KCNAB1: variants seen among roughly 807,000 people sequenced by gnomAD.
KCNAB1 encodes the protein potassium voltage-gated channel subfamily A regulatory beta subunit 1, also known as voltage-gated potassium channel subunit beta-1.
Under a neutral mutation model 64.6 loss-of-function variants are expected in KCNAB1, and 35 were observed. The ratio of observed to expected loss-of-function variants is 0.54; its 90% CI spans 0.41 to 0.72. KCNAB1 has a LOEUF of 0.72. Among genes scored for constraint, KCNAB1 ranks in the 30% least tolerant of loss-of-function variants. KCNAB1 has a pLI of 0.00. For missense variants in KCNAB1, 401 were observed against 512.9 expected (o/e 0.78, Z 2.11); for synonymous variants, 177 against 183.8 (o/e 0.96, Z 0.30).
chr3:156,203,893 C>T (rs977641577), intron 1 of KCNAB1, among the ~76,000 whole-genome samples: 3 of 152,148 alleles, frequency 2.0e-5, no homozygotes, highest in African/African-American at 7.2e-5. Flanking sequence ...TGCTTTGATT[C>T]TTCAGATCTT....
At chr3:156,121,103 A>C (rs1035532585) in intron 1 of KCNAB1, among the ~76,000 whole-genome samples, 1 of 152,216 alleles carries the variant, frequency 6.6e-6, no homozygotes, top group South Asian at 2.1e-4. Context: ...GACCTCTTAC[A>C]AGGAGGCAGT....
intron 1 of KCNAB1, among the ~76,000 whole-genome samples, chr3:156,377,875 A>G (rs2108140347): frequency 6.6e-6 from 1 of 152,082 alleles, no homozygotes; most frequent in South Asian, 2.1e-4. Flanking sequence ...GTGCTTCCCT[A>G]TTTTTATGGG....
rs745644267 is a variant in KCNAB1 at position 156,514,461 on chromosome 3, T to G, written c.744+12T>G. ...CTATGGAGATCATGGTAATTTAACT[T>G]CTATTTTTAAATGGCTATTGAGTAC... On this transcript the variant is annotated intron_variant, in intron 9 of 13. Transcript: ENST00000490337. 3.8e-6 allele frequency: 6 copies of G among 1,594,562 alleles called. No homozygotes were observed. In the Admixed American group the frequency reaches 1.0e-4, roughly 27 times the overall value.
intron 1 of KCNAB1, among the ~76,000 whole-genome samples, chr3:156,392,658 T>G (rs1713130681): frequency 6.6e-6 from 1 of 152,246 alleles, no homozygotes; most frequent in Admixed American, 6.5e-5. Context: ...GGAAAATCCC[T>G]TCTATTCTTA....
At chr3:156,474,977 C>T (rs1714233478) in intron 8 of KCNAB1, among the ~76,000 whole-genome samples, 157 bp downstream of exon 8, 1 of 152,152 alleles carries the variant, frequency 6.6e-6, no homozygotes, top group South Asian at 2.1e-4. Flanking sequence ...CAGCGTTTAA[C>T]CCCAAAACCA....
At chr3:156,149,857 C>T (rs915278496) in intron 1 of KCNAB1, among the ~76,000 whole-genome samples, 10 of 152,188 alleles carry the variant, frequency 6.6e-5, no homozygotes, top group African/African-American at 2.4e-4. Context: ...ACCAAAAACA[C>T]CCTTTCATCA....
chr3:156,393,749 G>A (rs1172724273), intron 1 of KCNAB1, among the ~76,000 whole-genome samples: 1 of 152,144 alleles, frequency 6.6e-6, no homozygotes, highest in Non-Finnish European at 1.5e-5. Flanking sequence ...CCTCTTTCTA[G>A]GGAGGGTTGA....
intron 13 of KCNAB1, among the ~76,000 whole-genome samples, chr3:156,533,377 G>A (rs77710444): frequency 0.014 from 2,121 of 152,244 alleles, 46 homozygotes; most frequent in African/African-American, 0.048. Flanking sequence ...ACAGGGAAGA[G>A]CAGTGGAAAG....
chr3:156,271,714 G>A (rs1719048535), intron 1 of KCNAB1, among the ~76,000 whole-genome samples: 2 of 152,068 alleles, frequency 1.3e-5, no homozygotes, highest in African/African-American at 4.8e-5. Context: ...AGTTCATTTG[G>A]TGACGTCATG....
intron 8 of KCNAB1, among the ~76,000 whole-genome samples, chr3:156,504,751 G>GTTTTTTTTTTTTTTTTTTTTTGT (rs71302274): frequency 7.5e-6 from 1 of 132,752 alleles, no homozygotes; most frequent in Non-Finnish European, 1.6e-5. Context: ...TGTTTTTTTT[G>GTTTTTTTTTTTTTTTTTTTTTGT]TTTTTTTTTT....
At chr3:156,140,155 C>A (rs543298546) in intron 1 of KCNAB1, among the ~76,000 whole-genome samples, 1 of 152,238 alleles carries the variant, frequency 6.6e-6, no homozygotes, top group South Asian at 2.1e-4. Flanking sequence ...GACTCTGATC[C>A]CAAGCCTCTG....
At chr3:156,333,413 G>A (rs533385802) in intron 1 of KCNAB1, among the ~76,000 whole-genome samples, 49 of 150,692 alleles carry the variant, frequency 3.3e-4, no homozygotes, top group Non-Finnish European at 4.7e-4. Context: ...ATTGACCTTC[G>A]TCTTGCTTTT....
chr3:156,453,521 T>C (rs1208953398), intron 3 of KCNAB1, among the ~76,000 whole-genome samples: 11 of 152,342 alleles, frequency 7.2e-5, no homozygotes, highest in African/African-American at 2.6e-4. Context: ...CTCTGACTAG[T>C]AGGTAGCAGA....
chr3:156,175,505 A>C (rs1640426227), intron 1 of KCNAB1, among the ~76,000 whole-genome samples: 1 of 152,218 alleles, frequency 6.6e-6, no homozygotes, highest in Non-Finnish European at 1.5e-5. Flanking sequence ...CTGTAGTCCC[A>C]GCTACTCGGA....
At chr3:156,398,374 C>T (rs1208420252) in intron 1 of KCNAB1, among the ~76,000 whole-genome samples, 1 of 152,114 alleles carries the variant, frequency 6.6e-6, no homozygotes, top group Non-Finnish European at 1.5e-5. Flanking sequence ...GGGTGGATCA[C>T]GAGCTCAGGA....
intron 1 of KCNAB1, among the ~76,000 whole-genome samples, chr3:156,180,788 G>A (rs1047332924): frequency 6.6e-6 from 1 of 152,192 alleles, no homozygotes; most frequent in Non-Finnish European, 1.5e-5. Context: ...AGAGTGTCAT[G>A]CAGGTCTCAG....
intron 1 of KCNAB1, among the ~76,000 whole-genome samples, chr3:156,417,017 G>T (rs1165412965): frequency 6.6e-6 from 1 of 152,198 alleles, no homozygotes; most frequent in Non-Finnish European, 1.5e-5. Context: ...TAAATCATTT[G>T]TGTGCCTGGT....
intron 1 of KCNAB1, among the ~76,000 whole-genome samples, chr3:156,341,863 C>T (rs1724137437): frequency 6.6e-6 from 1 of 152,088 alleles, no homozygotes; most frequent in South Asian, 2.1e-4. Flanking sequence ...TTCCATTTCA[C>T]CCTGTGACCT....
Position 156,248,145 on chromosome 3 carries a change from A to G in KCNAB1, c.275+127259A>G, listed in dbSNP as rs546895323. Among the ~76,000 whole-genome samples, 25 of 152,290 alleles carry G rather than the reference A, an allele frequency of 1.6e-4. No homozygotes were observed. In the East Asian group the frequency reaches 4.4e-3, roughly 27 times the overall value. On this transcript the variant is annotated intron_variant, in intron 1 of 13. Transcript: ENST00000490337. ...CCTTAAAGCCTTAACAAATTGCACT[A>G]TTTGTTAAGTTGTAATCAATGCACC... is the stretch of plus-strand genomic sequence containing the variant.
Sources: gnomAD v4.1 joint callset for allele counts (sites outside exome capture counted in the v4.1 genomes callset) on GRCh38, gnomAD v4.1.1 for gene constraint, MANE v1.5 for transcripts, NCBI Gene and HGNC (gene_info 2026-07-23, HGNC 2026-07-21) for gene names.